Variants in EMSY observed in about 807,000 individuals in gnomAD.
EMSY encodes the protein BRCA2-interacting transcriptional repressor EMSY.
A neutral mutation model predicts 134.6 loss-of-function variants in EMSY; 26 were observed. That is an observed-to-expected ratio of 0.19 (90% CI 0.14 to 0.27). The LOEUF (loss-of-function observed/expected upper bound fraction) is 0.27, where lower values mean the gene tolerates loss of function less well. Among genes scored for constraint, EMSY ranks in the 10% least tolerant of loss-of-function variants. The pLI is 1.00. For synonymous variants in EMSY, 579 were observed against 577.8 expected (o/e 1.00, Z -0.03); for missense variants, 1,305 against 1,611.4 (o/e 0.81, Z 3.26).
chr11:76,552,476 C>T (rs1476555239), downstream of EMSY: 2 of 152,166 alleles, frequency 1.3e-5, no homozygotes, highest in Non-Finnish European at 2.9e-5. Flanking sequence ...AAAGTCATCT[C>T]TTTGAAGGAT....
chr11:76,550,120 TC>T lies in EMSY; in HGVS notation c.3944del (p.Ser1315PhefsTer14). ...GGAGGATGGAACTGAACCCAGCCCT[TC>T]TCAGAGCTCTGCTGAACGGTCCTAG... On this transcript the variant is annotated frameshift_variant, in exon 21 of 21. Transcript: ENST00000334736. LOFTEE classifies it high-confidence loss of function. 3 of 1,613,000 alleles carry T rather than the reference TC, an allele frequency of 1.9e-6. No homozygotes were observed. Among genetic ancestry groups the T allele is most frequent in the Non-Finnish European group, 2.5e-6 (3 of 1,179,638 alleles).
At chr11:76,551,967 T>G (rs537812268), downstream of EMSY, 83 of 152,334 alleles carry the variant, frequency 5.4e-4, no homozygotes, top group African/African-American at 1.8e-3. Context: ...AATAAAGTTA[T>G]GTTCTACATA....
intron 8 of EMSY, among the ~76,000 whole-genome samples, chr11:76,483,765 T>G (rs1220848798): frequency 1.3e-5 from 2 of 152,122 alleles, no homozygotes; most frequent in East Asian, 3.9e-4. Flanking sequence ...CTTAGAGACC[T>G]ACAAAGAGAC....
At chr11:76,448,671 A>G (rs1947522517) in intron 2 of EMSY, among the ~76,000 whole-genome samples, 1 of 151,916 alleles carries the variant, frequency 6.6e-6, no homozygotes, top group South Asian at 2.1e-4. Context: ...TTGACCCCTC[A>G]TATTGGGAGG....
At chr11:76,484,408 A>C (rs1458858161) in intron 8 of EMSY, among the ~76,000 whole-genome samples, 1 of 152,224 alleles carries the variant, frequency 6.6e-6, no homozygotes, top group African/African-American at 2.4e-5. Context: ...ATCAGAGCAG[A>C]ACTGAAGGAG....
chr11:76,537,004 G>T (rs1951247330), intron 15 of EMSY, among the ~76,000 whole-genome samples: 1 of 152,158 alleles, frequency 6.6e-6, no homozygotes, highest in South Asian at 2.1e-4. Flanking sequence ...CTTCCACCTT[G>T]TTTGATCCAA....
exon 15 of EMSY, chr11:76,535,903 C>A (rs1951207631): frequency 1.3e-6 from 2 of 1,517,190 alleles, no homozygotes; most frequent in Non-Finnish European, 1.8e-6. Flanking sequence ...AGATTCCCAG[C>A]CTGTAGTTCA....
At chr11:76,550,055 A>C in exon 21 of EMSY, 1 of 1,613,938 alleles carries the variant, frequency 6.2e-7, no homozygotes, top group Non-Finnish European at 8.5e-7. Context: ...CAGCTGGATG[A>C]TGAGGAGACA....
Position 76,513,368 on chromosome 11 carries a change from A to G in EMSY, c.1364-18A>G. The G allele has an allele frequency of 6.2e-7, 1 of 1,611,484 alleles. No homozygotes were observed. Among genetic ancestry groups the G allele is most frequent in the Non-Finnish European group, 8.5e-7 (1 of 1,178,804 alleles). On this transcript the variant is annotated intron_variant, in intron 9 of 20. Transcript: ENST00000334736. The stretch of plus-strand genomic sequence containing the variant: ...TTAAAAATAATTTGTGCTGAGATTT[A>G]TCTTTCTTCTTTCAAAGGTGTTAAA...
At chr11:76,493,337 G>A (rs7940390) in intron 8 of EMSY, among the ~76,000 whole-genome samples, 59,784 of 152,026 alleles carry the variant, frequency 0.39, 12,154 homozygotes, top group Admixed American at 0.48. Context: ...CCCCTTCCCC[G>A]AACAGCCTGG....
chr11:76,539,175 T>C (rs1951339486), intron 16 of EMSY, among the ~76,000 whole-genome samples: 1 of 152,208 alleles, frequency 6.6e-6, no homozygotes, highest in African/African-American at 2.4e-5. Flanking sequence ...TTGAACACTT[T>C]ATTACTTTGA....
intron 11 of EMSY, chr11:76,516,568 A>C: frequency 4.0e-6 from 1 of 248,034 alleles, no homozygotes; most frequent in Non-Finnish European, 7.7e-6. Flanking sequence ...TTATAGTTTA[A>C]ATTTGCATAG....
intron 7 of EMSY, among the ~76,000 whole-genome samples, chr11:76,468,992 G>A (rs1320180535): frequency 1.3e-5 from 2 of 152,144 alleles, no homozygotes; most frequent in East Asian, 1.9e-4. Flanking sequence ...TAACTTTAAA[G>A]TACAAGTAGG....
rs1354005631 is a variant in EMSY, at chr11:76,525,732, A to G, written c.1822-730A>G. Reference sequence around the variant, plus strand: ...CTAGTTAATAGACTAAAAGGATATTAGTAATATATGAATAGTAAAACATAG... The same window carrying G: ...CTAGTTAATAGACTAAAAGGATATTGGTAATATATGAATAGTAAAACATAG... On this transcript the variant is annotated intron_variant, in intron 12 of 20. Coordinates refer to ENST00000334736, the Ensembl canonical transcript of EMSY. Among the ~76,000 whole-genome samples, 5 of 152,214 alleles carry G rather than the reference A, an allele frequency of 3.3e-5. No homozygotes were observed. In the South Asian group the frequency reaches 1.0e-3, roughly 31 times the overall value.
intron 14 of EMSY, among the ~76,000 whole-genome samples, chr11:76,530,550 C>A (rs1264156539): frequency 6.6e-6 from 1 of 152,180 alleles, no homozygotes; most frequent in Non-Finnish European, 1.5e-5. Context: ...GTTGCCATTA[C>A]TTTTAATGGC....
chr11:76,483,750 A>G (rs1380054047), intron 8 of EMSY, among the ~76,000 whole-genome samples: 1 of 152,180 alleles, frequency 6.6e-6, no homozygotes, highest in Non-Finnish European at 1.5e-5. Flanking sequence ...TTAATAAAGC[A>G]AGTTCTTAGA....
At chr11:76,464,160 T>G in intron 7 of EMSY, 80 bp downstream of exon 8, 1 of 1,510,414 alleles carries the variant, frequency 6.6e-7, no homozygotes, top group Non-Finnish European at 9.1e-7. Context: ...ATGCACTGAG[T>G]GCTTACTATG....
chr11:76,502,060 A>C (rs1436274130), intron 9 of EMSY, among the ~76,000 whole-genome samples: 1 of 150,874 alleles, frequency 6.6e-6, no homozygotes, highest in Non-Finnish European at 1.5e-5. Flanking sequence ...AAAAAAAAAA[A>C]AACCCACCAA....
At chr11:76,539,696 G>A in intron 17 of EMSY, 56 bp downstream of exon 18, 1 of 1,547,952 alleles carries the variant, frequency 6.5e-7, no homozygotes, top group South Asian at 1.1e-5. Flanking sequence ...GATTGTTTTG[G>A]GGGGAACCGC....
Sources: allele counts gnomAD v4.1 joint callset (sites outside exome capture counted in the v4.1 genomes callset), GRCh38; gene constraint gnomAD v4.1.1; transcripts MANE v1.5; gene names NCBI Gene and HGNC (gene_info 2026-07-23, HGNC 2026-07-21).